The following SLC30A9 variants were observed in gnomAD, a reference collection of about 807,000 sequenced individuals.
SLC30A9 encodes proton-coupled zinc antiporter SLC30A9, mitochondrial.
In SLC30A9, 58 loss-of-function variants were observed where a neutral mutation model predicts 87.5. That is an observed-to-expected ratio of 0.66 (90% CI 0.54 to 0.82). SLC30A9 has a LOEUF of 0.82. SLC30A9 is among the 40% of genes least tolerant of loss of function. The probability of loss-of-function intolerance (pLI) is 0.00; values close to 1 mark genes in which losing one functional copy is unlikely to be tolerated. For missense variants in SLC30A9, 557 were observed against 679.1 expected, an observed-to-expected ratio of 0.82 and a Z score of 2.00; for synonymous variants, 234 against 233.0, an observed-to-expected ratio of 1.00 and a Z score of -0.04.
At chr4:42,034,846 A>G (rs781541746) in intron 6 of SLC30A9, among the ~76,000 whole-genome samples, 2 of 152,084 alleles carry the variant, frequency 1.3e-5, no homozygotes, top group African/African-American at 2.4e-5. Context: ...TTTTTTAGGA[A>G]CCTTCATATT....
intron 17 of SLC30A9, among the ~76,000 whole-genome samples, chr4:42,083,844 A>G (rs1577728318): frequency 6.6e-6 from 1 of 152,134 alleles, no homozygotes; most frequent in East Asian, 1.9e-4. Context: ...AAAAGTTGGG[A>G]ACAAAAGTGT....
chr4:42,033,268 C>G (rs78568332), intron 6 of SLC30A9, among the ~76,000 whole-genome samples: 2,955 of 151,976 alleles, frequency 0.019, 103 homozygotes, highest in African/African-American at 0.067. Flanking sequence ...CCATCTCTGT[C>G]CTTTCCACTC....
At chr4:42,001,491 C>G (rs1714981642) in intron 1 of SLC30A9, 125 bp from the exon 2 acceptor site, 1 of 508,010 alleles carries the variant, frequency 2.0e-6, no homozygotes, top group African/African-American at 2.0e-5. Flanking sequence ...ACTAATTTTT[C>G]TTTACAAAAT....
At position 42,086,251 on chromosome 4, in the gene SLC30A9, A is replaced by T. The variant is rs1718922163; in HGVS notation, c.*125A>T. On this transcript the variant is annotated 3_prime_UTR_variant, in exon 18 of 18. Coordinates refer to ENST00000264451, the MANE Select transcript of SLC30A9 (RefSeq NM_006345.4). ...ATGCAGAAGCCTTTTTTTTAAGATGAAGGAAATATTTTATGTAAAGAGCAA... is the reference window on the plus strand; with the variant it reads ...ATGCAGAAGCCTTTTTTTTAAGATGTAGGAAATATTTTATGTAAAGAGCAA... 2.0e-6 allele frequency: 1 copy of T among 494,124 alleles called. No individual in the cohort carries two copies. Among genetic ancestry groups the T allele is most frequent in the Non-Finnish European group, 3.6e-6 (1 of 274,820 alleles). 30.6% of individuals were successfully genotyped at this position (494,124 alleles called of 1,614,324 possible). A position where few individuals can be genotyped will look rare whatever the true frequency, so the allele number is the denominator to read the frequency against.
chr4:42,080,815 C>G lies in SLC30A9; in HGVS notation c.1662+2490C>G, dbSNP rs538137798. On this transcript the variant is annotated intron_variant, in intron 17 of 17. Coordinates refer to ENST00000264451, the MANE Select transcript of SLC30A9 (RefSeq NM_006345.4). ...CACTGTTATATTAAAATCTGTTGGT[C>G]TATTTTTATACTCTGAATGAATCTT... Among the ~76,000 whole-genome samples, 54 of 152,294 alleles carry G rather than the reference C, an allele frequency of 3.5e-4. 1 individual carries two copies. The highest frequency in any genetic ancestry group is 1.0e-4 in the Non-Finnish European group (7 of 68,018).
At position 42,088,394 on chromosome 4, in the gene SLC30A9, G is replaced by C. The variant is rs1718996881; in HGVS notation, c.*2268G>C. On this transcript the variant is annotated 3_prime_UTR_variant, in exon 18 of 18. Transcript: ENST00000264451. Reference sequence around the variant, plus strand: ...ACCTCATCTCTACTAAAAAAAGTTAGCCGGGTGTGGTGGTGCTCACCTGTG... The same window carrying C: ...ACCTCATCTCTACTAAAAAAAGTTACCCGGGTGTGGTGGTGCTCACCTGTG... The C allele has an allele frequency of 6.6e-6, 1 of 152,292 alleles. No individual in the cohort carries two copies. Among genetic ancestry groups the C allele is most frequent in the Admixed American group, 6.6e-5 (1 of 15,264 alleles). The allele number at this position is 152,292 out of a possible 1,614,324, so 9.4% of individuals were successfully genotyped here. A position where few individuals can be genotyped will look rare whatever the true frequency, so the allele number is the denominator to read the frequency against.
At chr4:42,071,580 T>C (rs947914410) in intron 15 of SLC30A9, among the ~76,000 whole-genome samples, 1 of 151,942 alleles carries the variant, frequency 6.6e-6, no homozygotes, top group African/African-American at 2.4e-5. Flanking sequence ...GGAGGATCAC[T>C]TGAGGCCACG....
intron 6 of SLC30A9, chr4:42,029,903 T>G: frequency 1.4e-6 from 1 of 713,318 alleles, no homozygotes; most frequent in Admixed American, 1.8e-5. Flanking sequence ...TGGAGTATTT[T>G]GGACTGGGCA....
chr4:42,084,899 T>C lies in SLC30A9; in HGVS notation c.1663-1183T>C, dbSNP rs932766924. 2.6e-5 allele frequency among the ~76,000 whole-genome samples: 4 copies of C among 152,372 alleles called. No homozygotes were observed. The East Asian group carries it at 7.7e-4, about 29-fold the overall frequency. On this transcript the variant is annotated intron_variant, in intron 17 of 17. Coordinates refer to ENST00000264451, the MANE Select transcript of SLC30A9 (RefSeq NM_006345.4). The stretch of plus-strand genomic sequence containing the variant: ...ACCTCACTACCAAACGTAAGTCCAC[T>C]GAAGGCAAATACTGTTTGTTCCCAG...
At chr4:42,045,029 G>T (rs551500219) in intron 8 of SLC30A9, among the ~76,000 whole-genome samples, 1 of 152,220 alleles carries the variant, frequency 6.6e-6, no homozygotes, top group East Asian at 1.9e-4. Context: ...CAAAGACACA[G>T]TGTACCAGAA....
chr4:41,999,852 T>G (rs1247695864), intron 1 of SLC30A9, among the ~76,000 whole-genome samples: 2 of 152,172 alleles, frequency 1.3e-5, no homozygotes, highest in Non-Finnish European at 2.9e-5. Flanking sequence ...AGGTTTTTTT[T>G]TAATTTCTGG....
At chr4:42,046,260 A>C (rs1378767795) in intron 8 of SLC30A9, among the ~76,000 whole-genome samples, 3 of 152,168 alleles carry the variant, frequency 2.0e-5, no homozygotes, top group Admixed American at 1.3e-4. Context: ...GAAAGAAATA[A>C]AGGGTATTCA....
At chr4:42,082,717 G>A (rs1281819004) in intron 17 of SLC30A9, among the ~76,000 whole-genome samples, 4 of 151,866 alleles carry the variant, frequency 2.6e-5, no homozygotes, top group African/African-American at 4.8e-5. Flanking sequence ...GTATGGTGGC[G>A]GGCCCTTCTA....
chr4:42,050,508 T>A (rs968743034), intron 9 of SLC30A9, among the ~76,000 whole-genome samples: 1 of 152,204 alleles, frequency 6.6e-6, no homozygotes, highest in African/African-American at 2.4e-5. Flanking sequence ...AGTTTTTATT[T>A]CAAACATTGA....
Position 42,063,751 on chromosome 4 carries a change from T to C in SLC30A9, c.1032+630T>C, listed in dbSNP as rs974416664. ...GCCTTTGTAGATGTTTAAAACTGTC[T>C]TTTTTTTTCTCATGGGCACTTCTTG... On this transcript the variant is annotated intron_variant, in intron 11 of 17. Coordinates refer to ENST00000264451, the MANE Select transcript of SLC30A9 (RefSeq NM_006345.4). Among the ~76,000 whole-genome samples, 8 of 151,698 alleles carry C rather than the reference T, an allele frequency of 5.3e-5. No individual in the cohort carries two copies. In the East Asian group the frequency reaches 1.5e-3, roughly 29 times the overall value.
In SLC30A9 at chr4:42,075,646, A is replaced by G. The variant is rs1718520344; in HGVS notation, c.1419-11A>G. On this transcript the variant is annotated splice_polypyrimidine_tract_variant and intron_variant, in intron 15 of 17. Transcript: ENST00000264451. ...TATAAATAAATTTGTATGCATTGTT[A>G]TTGATTGCAGGGCAATTCATGATGT... 6.2e-7 allele frequency: 1 copy of G among 1,611,184 alleles called. No individual in the cohort carries two copies. Among genetic ancestry groups the G allele is most frequent in the African/African-American group, 1.3e-5 (1 of 74,986 alleles).
chr4:42,060,795 T>C (rs1717813090), intron 10 of SLC30A9, among the ~76,000 whole-genome samples: 1 of 152,172 alleles, frequency 6.6e-6, no homozygotes, highest in African/African-American at 2.4e-5. Flanking sequence ...TCTAACACTT[T>C]TGAATTCCAC....
At chr4:42,008,679 T>C (rs1173747217) in intron 2 of SLC30A9, among the ~76,000 whole-genome samples, 2 of 152,084 alleles carry the variant, frequency 1.3e-5, no homozygotes, top group Non-Finnish European at 2.9e-5. Context: ...CTGGAGAAAA[T>C]CCAGACTATC....
At chr4:42,076,726 G>A (rs1393952464) in intron 16 of SLC30A9, among the ~76,000 whole-genome samples, 1 of 152,068 alleles carries the variant, frequency 6.6e-6, no homozygotes, top group African/African-American at 2.4e-5. Context: ...CACTTTGGGA[G>A]GCCGAGGTGG....
Sources: gnomAD v4.1 joint callset for allele counts (sites outside exome capture counted in the v4.1 genomes callset) on GRCh38, gnomAD v4.1.1 for gene constraint, MANE v1.5 for transcripts, NCBI Gene and HGNC (gene_info 2026-07-23, HGNC 2026-07-21) for gene names.